The following PRELID2 variants were observed in gnomAD, a reference collection of about 807,000 sequenced individuals.
PRELID2 encodes the protein PRELI domain-containing protein 2.
A neutral mutation model predicts 28.4 loss-of-function variants in PRELID2; 25 were observed. That is an observed-to-expected ratio of 0.88 (90% CI 0.64 to 1.23). PRELID2 has a LOEUF of 1.23. Ranked by LOEUF, PRELID2 falls within the 50% of genes most tolerant of loss-of-function variation. The pLI is 0.00. For missense variants in PRELID2, 201 were observed against 214.4 expected, an observed-to-expected ratio of 0.94 and a Z score of 0.39; for synonymous variants, 76 against 71.6, an observed-to-expected ratio of 1.06 and a Z score of -0.31.
At chr5:145,328,332 T>C in the PRELID2 span, among the ~76,000 whole-genome samples, 5 of 152,228 alleles carry the variant, frequency 3.3e-5, no homozygotes, top group Admixed American at 3.3e-4. Context: ...ATGGTAATTC[T>C]AGTTCTAGAT....
chr5:145,767,659 G>GCATCTT (rs1452614046), intron 5 of PRELID2, among the ~76,000 whole-genome samples: 19 of 152,174 alleles, frequency 1.2e-4, no homozygotes, highest in African/African-American at 4.3e-4. Flanking sequence ...ATCTGCATCT[G>GCATCTT]CTCACCTGTG....
intron 4 of PRELID2, among the ~76,000 whole-genome samples, chr5:145,800,398 T>TA (rs944231975): frequency 4.6e-5 from 7 of 151,988 alleles, no homozygotes; most frequent in African/African-American, 1.5e-4. Context: ...CCCTTAGATT[T>TA]AAGCCTATTT....
the PRELID2 span, among the ~76,000 whole-genome samples, chr5:145,246,423 G>A: frequency 6.6e-6 from 1 of 152,036 alleles, no homozygotes; most frequent in Non-Finnish European, 1.5e-5. Context: ...TAAATATGTA[G>A]TTGTACAAAT....
chr5:145,301,382 C>A, the PRELID2 span, among the ~76,000 whole-genome samples: 4 of 152,162 alleles, frequency 2.6e-5, no homozygotes, highest in Middle Eastern at 3.4e-3. Context: ...CTTTTTATTG[C>A]AGATTTATAA....
intron 1 of PRELID2, among the ~76,000 whole-genome samples, chr5:145,725,730 T>C (rs1248501325): frequency 6.6e-6 from 1 of 152,212 alleles, no homozygotes; most frequent in East Asian, 1.9e-4. Flanking sequence ...AGTAGGCTTC[T>C]ACCCTCCCAT....
chr5:145,367,404 T>C, the PRELID2 span, among the ~76,000 whole-genome samples: 1 of 151,898 alleles, frequency 6.6e-6, no homozygotes, highest in Non-Finnish European at 1.5e-5. Flanking sequence ...ATTTTTAACA[T>C]TCCCCACAAC....
chr5:145,515,531 A>G (rs1224255654), intron 1 of PRELID2, among the ~76,000 whole-genome samples: 1 of 152,220 alleles, frequency 6.6e-6, no homozygotes, highest in African/African-American at 2.4e-5. Flanking sequence ...GCCCAGGACC[A>G]GACACATTCA....
the PRELID2 span, among the ~76,000 whole-genome samples, chr5:145,303,505 G>A: frequency 6.6e-6 from 1 of 152,098 alleles, no homozygotes; most frequent in African/African-American, 2.4e-5. Context: ...ACATCTGTAG[G>A]CTCCAGGCTG....
chr5:145,408,466 T>C, the PRELID2 span, among the ~76,000 whole-genome samples: 77 of 116,142 alleles, frequency 6.6e-4, no homozygotes, highest in South Asian at 2.6e-3. Context: ...ATATGTATAA[T>C]ATATATATGT....
At chr5:145,658,807 A>T (rs150884853) in intron 1 of PRELID2, among the ~76,000 whole-genome samples, 3 of 152,336 alleles carry the variant, frequency 2.0e-5, no homozygotes, top group African/African-American at 7.2e-5. Flanking sequence ...CACAATGCAA[A>T]CTAACACAAC....
At chr5:145,547,511 A>C (rs1175463480) in intron 1 of PRELID2, among the ~76,000 whole-genome samples, 1 of 152,234 alleles carries the variant, frequency 6.6e-6, no homozygotes, top group South Asian at 2.1e-4. Context: ...ATATAAGAAA[A>C]GAAATAAAAT....
At position 145,643,813 on chromosome 5, in the gene PRELID2, G is replaced by A. The variant is rs150219946; in HGVS notation, n.70+121118C>T. ...TGGTTCTCTTTATGTGATGGATTAAGTTTATTGACTTGTGTATGTTGGACC... is the reference window on the plus strand; with the variant it reads ...TGGTTCTCTTTATGTGATGGATTAAATTTATTGACTTGTGTATGTTGGACC... On this transcript the variant is annotated intron_variant and non_coding_transcript_variant, in intron 1 of 2. Transcript: ENST00000510259. Among the ~76,000 whole-genome samples, 195 of 152,208 alleles carry A rather than the reference G, an allele frequency of 1.3e-3. 2 individuals are homozygous for A. The highest frequency in any genetic ancestry group is 4.6e-3 in the African/African-American group (191 of 41,546).
the PRELID2 span, among the ~76,000 whole-genome samples, chr5:145,297,859 C>G: frequency 6.6e-6 from 1 of 151,800 alleles, no homozygotes; most frequent in Admixed American, 6.6e-5. Context: ...TGAGTGAACT[C>G]CCATTCACAA....
chr5:145,713,030 TAAA>T (rs909228619), intron 1 of PRELID2, among the ~76,000 whole-genome samples: 1 of 150,524 alleles, frequency 6.6e-6, no homozygotes, highest in African/African-American at 2.4e-5. Flanking sequence ...TGAGGGGAAA[TAAA>T]GAAGAGAAGA....
chr5:145,285,341 A>G, the PRELID2 span, among the ~76,000 whole-genome samples: 3 of 152,296 alleles, frequency 2.0e-5, 1 homozygote, highest in South Asian at 6.2e-4. Flanking sequence ...TATCCTAAAG[A>G]TAGCACTAAG....
chr5:145,652,438 C>T (rs1754314777), intron 1 of PRELID2, among the ~76,000 whole-genome samples: 2 of 152,276 alleles, frequency 1.3e-5, no homozygotes, highest in South Asian at 2.1e-4. Context: ...AACTCCAAGA[C>T]ACATAACTGT....
intron 1 of PRELID2, among the ~76,000 whole-genome samples, chr5:145,656,287 C>CT (rs1328840680): frequency 6.6e-6 from 1 of 152,128 alleles, no homozygotes; most frequent in Non-Finnish European, 1.5e-5. Context: ...AATAGGAATG[C>CT]TTTTACACTG....
the PRELID2 span, among the ~76,000 whole-genome samples, chr5:145,400,295 G>A: frequency 6.6e-6 from 1 of 151,902 alleles, no homozygotes; most frequent in Non-Finnish European, 1.5e-5. Context: ...CCTCAGAGAC[G>A]CCAAGTGTGT....
At chr5:145,781,104 A>G (rs377563822) in intron 5 of PRELID2, among the ~76,000 whole-genome samples, 95 of 152,250 alleles carry the variant, frequency 6.2e-4, no homozygotes, top group African/African-American at 2.1e-3. Flanking sequence ...CCTGCTGCCC[A>G]TTAGGGGTGG....
Sources: allele counts gnomAD v4.1 joint callset (sites outside exome capture counted in the v4.1 genomes callset), GRCh38; gene constraint gnomAD v4.1.1; transcripts MANE v1.5; gene names NCBI Gene and HGNC (gene_info 2026-07-23, HGNC 2026-07-21).